Variants in VWA3B observed in about 807,000 individuals in gnomAD.
The protein encoded by VWA3B is von Willebrand factor A domain-containing protein 3B.
In VWA3B, 138 loss-of-function variants were observed where a neutral mutation model predicts 158.3. That is an observed-to-expected ratio of 0.87 (90% confidence interval 0.76 to 1.00). The LOEUF (loss-of-function observed/expected upper bound fraction) is 1.00. Among genes scored for constraint, VWA3B ranks in the 50% least tolerant of loss-of-function variants. The probability of loss-of-function intolerance (pLI) is 0.00; values close to 1 mark genes in which losing one functional copy is unlikely to be tolerated. For synonymous variants in VWA3B, 596 were observed against 587.3 expected (o/e 1.01, Z -0.21); for missense variants, 1,555 against 1,565.1 (o/e 0.99, Z 0.11).
intron 12 of VWA3B, among the ~76,000 whole-genome samples, chr2:98,210,758 G>C (rs1468593308): frequency 6.6e-6 from 1 of 152,180 alleles, no homozygotes; most frequent in African/African-American, 2.4e-5. Context: ...TCTTGGGATG[G>C]GGGCAGAGTC....
At chr2:98,129,385 C>T (rs751675524) in intron 6 of VWA3B, among the ~76,000 whole-genome samples, 7 of 151,834 alleles carry the variant, frequency 4.6e-5, no homozygotes, top group Non-Finnish European at 7.4e-5. Context: ...AGAGTGAGGG[C>T]GCACTCACTG....
intron 12 of VWA3B, chr2:98,207,590 T>C (rs1329093182): frequency 1.9e-6 from 1 of 514,804 alleles, no homozygotes; most frequent in Non-Finnish European, 3.9e-6. Context: ...GGGAAGTCAG[T>C]ACTCCTGAAG....
intron 25 of VWA3B, 68 bp downstream of exon 25, chr2:98,300,284 AG>A: frequency 6.3e-7 from 1 of 1,593,534 alleles, no homozygotes; most frequent in Non-Finnish European, 8.6e-7. Flanking sequence ...TGGCACTGCC[AG>A]GCTTCTTGAT....
chr2:98,265,513 T>C (rs1425964618), intron 21 of VWA3B, among the ~76,000 whole-genome samples: 1 of 152,078 alleles, frequency 6.6e-6, no homozygotes, highest in African/African-American at 2.4e-5. Context: ...TACGTGTGCG[T>C]GTGTCTTTAT....
intron 19 of VWA3B, among the ~76,000 whole-genome samples, chr2:98,248,081 C>G (rs1404598801): frequency 1.3e-5 from 2 of 151,934 alleles, no homozygotes; most frequent in Non-Finnish European, 2.9e-5. Context: ...ATTACAATGT[C>G]TTTTCTTCCA....
intron 16 of VWA3B, 91 bp downstream of exon 16, chr2:98,230,298 A>C: frequency 7.7e-7 from 1 of 1,303,156 alleles, no homozygotes; most frequent in Non-Finnish European, 1.0e-6. Flanking sequence ...TATTTTTAAG[A>C]AGCACTAAAC....
At chr2:98,214,412 T>A (rs1363968905) in intron 13 of VWA3B, among the ~76,000 whole-genome samples, 1 of 152,150 alleles carries the variant, frequency 6.6e-6, no homozygotes, top group African/African-American at 2.4e-5. Flanking sequence ...CTATTTTTGT[T>A]TAAATTTTGA....
chr2:98,129,486 A>G lies in VWA3B; in HGVS notation c.872+1078A>G, dbSNP rs191443805. Among the ~76,000 whole-genome samples the G allele has an allele frequency of 2.9e-3, 444 of 152,240 alleles. 1 individual carries two copies. The highest frequency in any genetic ancestry group is 7.6e-3 in the Admixed American group (116 of 15,300). ...TTTAACCTTTATTACCTCCTGTTCTATCTCCAAAGACAGTCACATTGGGAA... is the reference window on the plus strand; with the variant it reads ...TTTAACCTTTATTACCTCCTGTTCTGTCTCCAAAGACAGTCACATTGGGAA... On this transcript the variant is annotated intron_variant, in intron 6 of 27. Coordinates refer to ENST00000477737, the MANE Select transcript of VWA3B (RefSeq NM_144992.5).
Position 98,188,047 on chromosome 2 carries a change from TTGGTCC to T in VWA3B, c.1385_1390del (p.Leu462_His464delinsTyr). ...CCATGCTCCCTGGAAGGATGGGAGC[TTGGTCC>T]ACGTCAACATTACCAAAGAGAAGTG... On this transcript the variant is annotated inframe_deletion, in exon 10 of 28. Transcript: ENST00000477737. The T allele has an allele frequency of 6.2e-7, 1 of 1,614,036 alleles. No individual in the cohort carries two copies. The highest frequency in any genetic ancestry group is 1.1e-5 in the South Asian group (1 of 91,052).
chr2:98,324,909 T>TA, the VWA3B span, among the ~76,000 whole-genome samples: 64,038 of 147,846 alleles, frequency 0.43, 13,961 homozygotes, highest in Non-Finnish European at 0.5. Flanking sequence ...GTCTTAATGT[T>TA]AAAAAAAAAA....
chr2:98,211,856 G>C (rs1683546566), intron 12 of VWA3B, 74 bp from the exon 13 acceptor site: 5 of 1,303,094 alleles, frequency 3.8e-6, no homozygotes, highest in Non-Finnish European at 5.4e-6. Context: ...TTTTTTGGAA[G>C]CAGAAAATAA....
chr2:98,243,652 C>T (rs185465160), intron 19 of VWA3B, among the ~76,000 whole-genome samples: 4 of 152,228 alleles, frequency 2.6e-5, no homozygotes, highest in Admixed American at 6.5e-5. Flanking sequence ...AACATACTCT[C>T]ATGGGTTTAT....
intron 23 of VWA3B, among the ~76,000 whole-genome samples, chr2:98,294,479 C>T (rs1191868189): frequency 1.3e-5 from 2 of 152,254 alleles, no homozygotes; most frequent in Non-Finnish European, 2.9e-5. Flanking sequence ...GGGGATTTCC[C>T]TGTGACCAAC....
At chr2:98,105,652 C>T (rs1673585358) in intron 2 of VWA3B, among the ~76,000 whole-genome samples, 3 of 152,002 alleles carry the variant, frequency 2.0e-5, no homozygotes, top group Non-Finnish European at 4.4e-5. Flanking sequence ...TGCTTAAGCC[C>T]AGGGTATCAA....
At chr2:98,263,633 A>C (rs1290647335) in intron 21 of VWA3B, among the ~76,000 whole-genome samples, 2 of 151,806 alleles carry the variant, frequency 1.3e-5, no homozygotes, top group African/African-American at 4.8e-5. Flanking sequence ...TGTTTAATTC[A>C]GTTTGCTACT....
chr2:98,286,721 A>G (rs1418801086), intron 22 of VWA3B, among the ~76,000 whole-genome samples: 1 of 152,180 alleles, frequency 6.6e-6, no homozygotes, highest in Non-Finnish European at 1.5e-5. Flanking sequence ...TGGGGAATAT[A>G]GGTCTATAGT....
intron 2 of VWA3B, among the ~76,000 whole-genome samples, chr2:98,106,076 C>T (rs960652698): frequency 8.5e-5 from 13 of 152,056 alleles, no homozygotes; most frequent in East Asian, 1.9e-4. Flanking sequence ...CCACCATGCC[C>T]GGCTAATTTT....
chr2:98,255,118 A>G (rs890690226), intron 20 of VWA3B, among the ~76,000 whole-genome samples: 9 of 140,798 alleles, frequency 6.4e-5, no homozygotes, highest in Non-Finnish European at 7.5e-5. Context: ...GGTTCAAGCT[A>G]TTCTCCTGCC....
intron 25 of VWA3B, among the ~76,000 whole-genome samples, chr2:98,302,585 G>A (rs921606418): frequency 2.6e-5 from 4 of 152,140 alleles, no homozygotes; most frequent in Admixed American, 6.5e-5. Flanking sequence ...CAATCCAAGC[G>A]CTTTACACAG....
Sources: gnomAD v4.1 joint callset for allele counts (sites outside exome capture counted in the v4.1 genomes callset) on GRCh38, gnomAD v4.1.1 for gene constraint, MANE v1.5 for transcripts, NCBI Gene and HGNC (gene_info 2026-07-23, HGNC 2026-07-21) for gene names.